PISD: variants seen among roughly 807,000 people sequenced by gnomAD.
PISD encodes the protein phosphatidylserine decarboxylase, also known as phosphatidylserine decarboxylase proenzyme, mitochondrial.
In PISD, 31 loss-of-function variants were observed where a neutral mutation model predicts 43.5. That is an observed-to-expected ratio of 0.71 (90% CI 0.54 to 0.96). The LOEUF is 0.96. PISD is among the 40% of genes least tolerant of loss of function. The pLI, the probability that PISD is intolerant of heterozygous loss-of-function variation, is 0.00. For synonymous variants in PISD, 259 were observed against 228.7 expected, an observed-to-expected ratio of 1.13 and a Z score of -1.20; for missense variants, 523 against 548.4, an observed-to-expected ratio of 0.95 and a Z score of 0.46.
In PISD at chr22:31,640,880, G is replaced by GTTTTTTTTTT. The variant is rs1214973570; in HGVS notation, c.321+7211_321+7220dup. On this transcript the variant is annotated intron_variant, in intron 3 of 7. Transcript: ENST00000439502. ...ACAGGCATGAGCCACCACACCCGGT[G>GTTTTTTTTTT]TTTTTTTTTTTTTTTTTTTTTTTTG... 3.9e-3 allele frequency among the ~76,000 whole-genome samples: 96 copies of GTTTTTTTTTT among 24,598 alleles called. 29 individuals are homozygous for GTTTTTTTTTT. Among genetic ancestry groups the GTTTTTTTTTT allele is most frequent in the African/African-American group, 0.014 (75 of 5,540 alleles). 16.1% of individuals were successfully genotyped at this position (24,598 alleles called of 152,430 possible). A position where few individuals can be genotyped will look rare whatever the true frequency, so the allele number is the denominator to read the frequency against.
chr22:31,662,351 C>T, upstream of PISD: 1 of 767,784 alleles, frequency 1.3e-6, no homozygotes, highest in Non-Finnish European at 2.2e-6. Context: ...TGTGGCTACT[C>T]CCCACCTAAC....
rs1157374529 is a variant in PISD at position 31,619,502 on chromosome 22, A to G, written c.*110T>C. ...CAAGTCCTACCTGGTCAGACTCCCA[A>G]CCACGCTGAGGCAGGCCCTTACCTG... On this transcript the variant is annotated 3_prime_UTR_variant, in exon 8 of 8. Coordinates refer to ENST00000439502, the MANE Select transcript of PISD (RefSeq NM_001326411.2). 8.4e-6 allele frequency: 7 copies of G among 829,758 alleles called. No homozygotes were observed. The highest frequency in any genetic ancestry group is 1.7e-5 in the African/African-American group (1 of 59,610). 51.4% of individuals were successfully genotyped at this position (829,758 alleles called of 1,614,324 possible). A position where few individuals can be genotyped will look rare whatever the true frequency, so the allele number is the denominator to read the frequency against.
At chr22:31,649,945 C>T (rs1162209383) in intron 2 of PISD, among the ~76,000 whole-genome samples, 1 of 152,052 alleles carries the variant, frequency 6.6e-6, no homozygotes. Flanking sequence ...GGAAGCTAGG[C>T]AAGAGGCATG....
chr22:31,629,197 T>C, intron 3 of PISD: 1 of 985,304 alleles, frequency 1.0e-6, no homozygotes, highest in Non-Finnish European at 1.2e-6. Flanking sequence ...CAGCAGTTAC[T>C]ACAGGTTGGG....
chr22:31,629,195 A>T (rs2073067669), intron 3 of PISD: 1 of 985,246 alleles, frequency 1.0e-6, no homozygotes, highest in South Asian at 4.7e-5. Flanking sequence ...GGCAGCAGTT[A>T]CTACAGGTTG....
intron 3 of PISD, chr22:31,627,947 G>A: frequency 1.2e-6 from 1 of 846,892 alleles, no homozygotes; most frequent in East Asian, 1.3e-4. Context: ...ATCAGGGAAA[G>A]GTGAGCCCTG....
chr22:31,641,637 G>A lies in PISD; in HGVS notation c.321+6464C>T, dbSNP rs550624527. Among the ~76,000 whole-genome samples, 108 of 147,974 alleles carry A rather than the reference G, an allele frequency of 7.3e-4. 1 individual carries two copies. Among genetic ancestry groups the A allele is most frequent in the East Asian group, 4.1e-3 (21 of 5,170 alleles). On this transcript the variant is annotated intron_variant, in intron 3 of 7. Transcript: ENST00000439502. ...CAAGAACAGCCTGGCCAACAATGGT[G>A]AAACCCGATCTCTACTAAAAACACA...
At chr22:31,660,350 T>C (rs1171670504) in intron 1 of PISD, among the ~76,000 whole-genome samples, 1 of 152,142 alleles carries the variant, frequency 6.6e-6, no homozygotes, top group South Asian at 2.1e-4. Context: ...CCTCCTCTCA[T>C]CATTTAAAAA....
intron 1 of PISD, among the ~76,000 whole-genome samples, chr22:31,654,567 G>C (rs915358152): frequency 6.6e-6 from 1 of 152,142 alleles, no homozygotes; most frequent in Non-Finnish European, 1.5e-5. Context: ...CTATCCATAG[G>C]AGAGACTAGC....
At chr22:31,648,644 G>A (rs1482653989) in intron 2 of PISD, among the ~76,000 whole-genome samples, 1 of 149,674 alleles carries the variant, frequency 6.7e-6, no homozygotes, top group Non-Finnish European at 1.5e-5. Context: ...TCCAGCCTAG[G>A]TAACAGAGCG....
chr22:31,651,454 T>C (rs1383335742), intron 1 of PISD, among the ~76,000 whole-genome samples: 1 of 152,226 alleles, frequency 6.6e-6, no homozygotes, highest in Non-Finnish European at 1.5e-5. Flanking sequence ...TTTCTATAAC[T>C]TTCTGTAAGC....
chr22:31,662,041 G>T, intron 1 of PISD, 103 bp downstream of exon 1: 1 of 1,058,840 alleles, frequency 9.4e-7, no homozygotes. Flanking sequence ...CTCCACCCGA[G>T]CTCGCCTCAG....
Position 31,630,734 on chromosome 22 carries a change from G to A in PISD, c.322-8849C>T, listed in dbSNP as rs1345104148. On this transcript the variant is annotated intron_variant, in intron 3 of 7. Coordinates refer to ENST00000439502, the MANE Select transcript of PISD (RefSeq NM_001326411.2). This position sits in a 1 kb window ranked among gnomAD's most constrained non-coding sequence, Gnocchi z 4.4. ...CGGCACTGGCCCTCTGAGCGGGCAG[G>A]GTGGGGCGCCTCCCTGAGAAGTCAC... is the stretch of plus-strand genomic sequence containing the variant. The A allele has an allele frequency of 1.0e-6, 1 of 985,352 alleles. No individual in the cohort carries two copies. The highest frequency in any genetic ancestry group is 1.7e-5 in the African/African-American group (1 of 57,238). 61.0% of individuals were successfully genotyped at this position (985,352 alleles called of 1,614,324 possible). A position where few individuals can be genotyped will look rare whatever the true frequency, so the allele number is the denominator to read the frequency against.
At chr22:31,648,473 C>T (rs1037128357) in intron 2 of PISD, among the ~76,000 whole-genome samples, 197 bp from the exon 3 acceptor site, 4 of 151,828 alleles carry the variant, frequency 2.6e-5, no homozygotes, top group East Asian at 1.9e-4. Context: ...GTCAGGAGAT[C>T]GAGACCACGG....
intron 1 of PISD, among the ~76,000 whole-genome samples, chr22:31,656,773 C>T (rs1002393713): frequency 1.3e-4 from 20 of 152,208 alleles, no homozygotes; most frequent in South Asian, 2.1e-4. Context: ...CTCCTCTTGC[C>T]GCTCCTTGTC....
Position 31,619,567 on chromosome 22 carries a change from C to T in PISD, c.*45G>A, listed in dbSNP as rs781254076. 6.5e-7 allele frequency: 1 copy of T among 1,528,034 alleles called. No individual in the cohort carries two copies. The highest frequency in any genetic ancestry group is 9.1e-7 in the Non-Finnish European group (1 of 1,103,910). The allele number at this position is 1,528,034 out of a possible 1,614,324, so 94.7% of individuals were successfully genotyped here. A position where few individuals can be genotyped will look rare whatever the true frequency, so the allele number is the denominator to read the frequency against. Reference sequence around the variant, plus strand: ...CCTCCCTCTTGAAAAGACCCTCACTCTGTTTGGAAAAGATCCCTTAGCAGC... The same window carrying T: ...CCTCCCTCTTGAAAAGACCCTCACTTTGTTTGGAAAAGATCCCTTAGCAGC... On this transcript the variant is annotated 3_prime_UTR_variant, in exon 8 of 8. Coordinates refer to ENST00000439502, the MANE Select transcript of PISD (RefSeq NM_001326411.2).
chr22:31,634,740 AGGT>A lies in PISD; in HGVS notation c.322-12858_322-12856del, dbSNP rs2073353345. Reference sequence around the variant, plus strand: ...GTAATCCCAGCTACTCGGGAGGCTGAGGTGGGAGAATCGCTTGAACCTAGGAAG... The same window carrying A: ...GTAATCCCAGCTACTCGGGAGGCTGAGGGAGAATCGCTTGAACCTAGGAAG... On this transcript the variant is annotated intron_variant, in intron 3 of 7. Transcript: ENST00000439502. Among the ~76,000 whole-genome samples, 6 of 136,604 alleles carry A rather than the reference AGGT, an allele frequency of 4.4e-5. No individual in the cohort carries two copies. In the South Asian group the frequency reaches 1.5e-3, roughly 35 times the overall value. 89.6% of individuals were successfully genotyped at this position (136,604 alleles called of 152,430 possible).
intron 3 of PISD, chr22:31,625,684 G>T: frequency 1.3e-6 from 2 of 1,525,234 alleles, no homozygotes; most frequent in Non-Finnish European, 8.9e-7. Flanking sequence ...CTACTGCGAG[G>T]CCGCTGGATG....
chr22:31,658,418 A>T (rs1223265087), intron 1 of PISD, among the ~76,000 whole-genome samples: 1 of 152,184 alleles, frequency 6.6e-6, no homozygotes, highest in Non-Finnish European at 1.5e-5. Context: ...AGGGCCTGGC[A>T]CCTAGTTAGA....
Sources: allele counts gnomAD v4.1 joint callset (sites outside exome capture counted in the v4.1 genomes callset), GRCh38; gene constraint gnomAD v4.1.1; non-coding constraint Gnocchi (gnomAD v3.1); transcripts MANE v1.5; gene names NCBI Gene and HGNC (gene_info 2026-07-23, HGNC 2026-07-21).